WDR26: variants seen among roughly 807,000 people sequenced by gnomAD.
WDR26 encodes WD repeat-containing protein 26.
A neutral mutation model predicts 84.1 loss-of-function variants in WDR26; 5 were observed. That is an observed-to-expected ratio of 0.06 (90% confidence interval 0.03 to 0.13). The LOEUF is 0.13. Ranked by LOEUF, WDR26 falls within the 10% of genes least tolerant of loss-of-function variation. WDR26 has a pLI of 1.00. For missense variants in WDR26, 642 were observed against 974.9 expected (o/e 0.66, Z 4.55); for synonymous variants, 415 against 389.6 (o/e 1.07, Z -0.77).
chr1:224,395,629 A>C (rs1232278996), intron 12 of WDR26, among the ~76,000 whole-genome samples: 6 of 151,604 alleles, frequency 4.0e-5, no homozygotes, highest in Non-Finnish European at 4.4e-5. Flanking sequence ...AAAAGTAAAG[A>C]CAGGTTAGCT....
intron 7 of WDR26, among the ~76,000 whole-genome samples, chr1:224,407,761 G>A (rs1225457105): frequency 1.3e-5 from 2 of 151,854 alleles, no homozygotes; most frequent in South Asian, 2.1e-4. Context: ...CACCTGCCTC[G>A]GCCTTCCAAA....
Position 224,389,795 on chromosome 1 carries a change from A to G in WDR26, c.*40T>C. On this transcript the variant is annotated 3_prime_UTR_variant, in exon 14 of 14. Transcript: ENST00000414423. The stretch of plus-strand genomic sequence containing the variant: ...ATCCCAAGCCATTAAAATACGACTA[A>G]TTTTAAGTTAAACAGAAGTCGTCTG... 6.9e-7 allele frequency: 1 copy of G among 1,453,340 alleles called. No individual in the cohort carries two copies. Among genetic ancestry groups the G allele is most frequent in the Non-Finnish European group, 9.3e-7 (1 of 1,079,564 alleles). The allele number at this position is 1,453,340 out of a possible 1,614,324, so 90.0% of individuals were successfully genotyped here. A position where few individuals can be genotyped will look rare whatever the true frequency, so the allele number is the denominator to read the frequency against.
intron 7 of WDR26, among the ~76,000 whole-genome samples, chr1:224,405,836 C>A (rs1673534452): frequency 6.6e-6 from 1 of 152,084 alleles, no homozygotes; most frequent in South Asian, 2.1e-4. Flanking sequence ...TTACATTTTC[C>A]CTGTGTGTGA....
chr1:224,417,573 G>A (rs998971454), intron 6 of WDR26, among the ~76,000 whole-genome samples: 3 of 152,126 alleles, frequency 2.0e-5, no homozygotes, highest in African/African-American at 7.2e-5. Flanking sequence ...GCATGGTAGT[G>A]CATGCCTATA....
intron 12 of WDR26, among the ~76,000 whole-genome samples, chr1:224,395,171 C>T (rs182640598): frequency 1.4e-4 from 21 of 152,238 alleles, no homozygotes; most frequent in Admixed American, 1.3e-3. Flanking sequence ...CAACCCTTCA[C>T]CTGTAAATGG....
rs1038215274 is a variant in WDR26 at position 224,388,361 on chromosome 1, T to C, written c.*1474A>G. On this transcript the variant is annotated 3_prime_UTR_variant, in exon 14 of 14. Coordinates refer to ENST00000414423, the MANE Select transcript of WDR26 (RefSeq NM_001379403.1). The stretch of plus-strand genomic sequence containing the variant: ...CCAACAGCTGGAGTCACCCTATTTA[T>C]CCTCTACTGAAAAAGGGAGGGAATT... The C allele has an allele frequency of 2.0e-5, 3 of 152,214 alleles. No homozygotes were observed. Among genetic ancestry groups the C allele is most frequent in the Non-Finnish European group, 4.4e-5 (3 of 68,028 alleles). The allele number at this position is 152,214 out of a possible 1,614,324, so 9.4% of individuals were successfully genotyped here.
At chr1:224,407,015 G>A (rs1057185235) in intron 7 of WDR26, among the ~76,000 whole-genome samples, 16 of 148,380 alleles carry the variant, frequency 1.1e-4, no homozygotes, top group African/African-American at 3.5e-4. Flanking sequence ...CCAGCTGCTC[G>A]GGAGGCTGAG....
Position 224,389,767 on chromosome 1 carries a change from C to G in WDR26, c.*68G>C. 6.8e-7 allele frequency: 1 copy of G among 1,464,696 alleles called. No homozygotes were observed. The highest frequency in any genetic ancestry group is 9.6e-7 in the Non-Finnish European group (1 of 1,046,598). 90.7% of individuals were successfully genotyped at this position (1,464,696 alleles called of 1,614,324 possible). ...AGCTATCAATCATGTTTGTTTGCACCAAATCCCAAGCCATTAAAATACGAC... is the reference window on the plus strand; with the variant it reads ...AGCTATCAATCATGTTTGTTTGCACGAAATCCCAAGCCATTAAAATACGAC... On this transcript the variant is annotated 3_prime_UTR_variant, in exon 14 of 14. Transcript: ENST00000414423.
chr1:224,392,577 G>A (rs1404097065), intron 13 of WDR26, among the ~76,000 whole-genome samples: 1 of 152,142 alleles, frequency 6.6e-6, no homozygotes, highest in African/African-American at 2.4e-5. Context: ...AACACAAGAA[G>A]GTAAAGATTT....
At chr1:224,392,393 A>C (rs1025459100) in intron 13 of WDR26, among the ~76,000 whole-genome samples, 1 of 152,038 alleles carries the variant, frequency 6.6e-6, no homozygotes, top group Non-Finnish European at 1.5e-5. Context: ...CCTCTTCTGG[A>C]GTAAATCTGT....
chr1:224,402,061 T>C (rs1002412570), intron 8 of WDR26: 4 of 152,194 alleles, frequency 2.6e-5, no homozygotes, highest in East Asian at 1.9e-4. Context: ...ATCTGAGAGA[T>C]AATAGCTGCC....
At chr1:224,418,146 A>T in intron 6 of WDR26, 114 bp downstream of exon 6, 1 of 828,632 alleles carries the variant, frequency 1.2e-6, no homozygotes, top group Non-Finnish European at 1.7e-6. Flanking sequence ...CTCGTGAACA[A>T]ATGCTAAATC....
intron 12 of WDR26, among the ~76,000 whole-genome samples, chr1:224,395,836 G>A (rs1673245561): frequency 6.6e-6 from 1 of 152,188 alleles, no homozygotes; most frequent in African/African-American, 2.4e-5. Flanking sequence ...ATCAAGCTCT[G>A]TTTGCTGTAT....
chr1:224,433,617 C>T (rs1403699329), intron 1 of WDR26, 67 bp downstream of exon 1: 30 of 877,002 alleles, frequency 3.4e-5, no homozygotes, highest in South Asian at 1.0e-4. Flanking sequence ...TCCGCCCCTT[C>T]CCCTACCCCC....
chr1:224,423,434 T>C (rs1487718171), intron 4 of WDR26, among the ~76,000 whole-genome samples: 1 of 152,206 alleles, frequency 6.6e-6, no homozygotes, highest in East Asian at 1.9e-4. Flanking sequence ...GCATTTATCA[T>C]GAAGGGGTGA....
chr1:224,411,288 CAT>C, intron 7 of WDR26, 137 bp downstream of exon 7: 1 of 861,772 alleles, frequency 1.2e-6, no homozygotes, highest in Non-Finnish European at 1.7e-6. Context: ...CTATACAACA[CAT>C]GAAGATGTAA....
At chr1:224,395,391 G>A (rs939296024) in intron 12 of WDR26, among the ~76,000 whole-genome samples, 1 of 152,150 alleles carries the variant, frequency 6.6e-6, no homozygotes, top group African/African-American at 2.4e-5. Flanking sequence ...GTCAGTGGGT[G>A]TACTGCCAGT....
intron 6 of WDR26, 118 bp from the exon 7 acceptor site, chr1:224,411,683 G>A: frequency 9.3e-7 from 1 of 1,071,018 alleles, no homozygotes. Context: ...TTAAAAATAA[G>A]AAGTGAATGC....
In WDR26 at chr1:224,386,946, A is replaced by G. The variant is rs1344621490; in HGVS notation, c.*2889T>C. On this transcript the variant is annotated 3_prime_UTR_variant, in exon 14 of 14. Transcript: ENST00000414423. ...CCAATTCTTTACTACCCACATACTA[A>G]TCTCAGTAATCCCCAAGTCCAACAT... 1 of 152,338 alleles carries G rather than the reference A, an allele frequency of 6.6e-6. No individual in the cohort carries two copies. Among genetic ancestry groups the G allele is most frequent in the African/African-American group, 2.4e-5 (1 of 41,436 alleles). The allele number at this position is 152,338 out of a possible 1,614,324, so 9.4% of individuals were successfully genotyped here. A position where few individuals can be genotyped will look rare whatever the true frequency, so the allele number is the denominator to read the frequency against.
Sources: allele counts gnomAD v4.1 joint callset (sites outside exome capture counted in the v4.1 genomes callset), GRCh38; gene constraint gnomAD v4.1.1; transcripts MANE v1.5; gene names NCBI Gene and HGNC (gene_info 2026-07-23, HGNC 2026-07-21).